The following ARHGAP42 variants were observed in gnomAD, a reference collection of about 807,000 sequenced individuals.
The protein encoded by ARHGAP42 is Rho GTPase activating protein 42.
In ARHGAP42, 63 loss-of-function variants were observed where a neutral mutation model predicts 125.0. The ratio of observed to expected loss-of-function variants is 0.50; its 90% CI spans 0.41 to 0.62. ARHGAP42 has a LOEUF of 0.62. Ranked by LOEUF, ARHGAP42 falls within the 20% of genes least tolerant of loss-of-function variation. The pLI is 0.00. For synonymous variants in ARHGAP42, 339 were observed against 351.0 expected (o/e 0.97, Z 0.38); for missense variants, 766 against 1,024.2 (o/e 0.75, Z 3.44).
intron 1 of ARHGAP42, among the ~76,000 whole-genome samples, chr11:100,713,036 G>A (rs1019111004): frequency 2.0e-5 from 3 of 152,116 alleles, no homozygotes; most frequent in Non-Finnish European, 1.5e-5. Context: ...CTTGGTTGTG[G>A]TAAGCACGTG....
chr11:100,714,605 G>A lies in ARHGAP42; in HGVS notation c.154+26773G>A, dbSNP rs1026824112. Among the ~76,000 whole-genome samples, 9 of 152,250 alleles carry A rather than the reference G, an allele frequency of 5.9e-5. No individual in the cohort carries two copies. In the East Asian group the frequency reaches 1.5e-3, roughly 26 times the overall value. On this transcript the variant is annotated intron_variant, in intron 1 of 23. Coordinates refer to ENST00000298815, the MANE Select transcript of ARHGAP42 (RefSeq NM_152432.4). Reference sequence around the variant, plus strand: ...CTCTAACATCTCGGGATAGTTTTTAGTTCTTGGACCTGATGGAGAGGTAGT... The same window carrying A: ...CTCTAACATCTCGGGATAGTTTTTAATTCTTGGACCTGATGGAGAGGTAGT...
chr11:100,707,607 C>T (rs899427248), intron 1 of ARHGAP42, among the ~76,000 whole-genome samples: 6 of 152,058 alleles, frequency 3.9e-5, no homozygotes, highest in Admixed American at 3.3e-4. Flanking sequence ...GAGGAGAAGA[C>T]AAGAAGATGC....
At chr11:100,951,573 T>C (rs1345493843) in intron 12 of ARHGAP42, among the ~76,000 whole-genome samples, 1 of 152,166 alleles carries the variant, frequency 6.6e-6, no homozygotes, top group African/African-American at 2.4e-5. Flanking sequence ...ATATACAGTG[T>C]TGAGTAGGGC....
chr11:100,779,770 A>G (rs1470298572), intron 2 of ARHGAP42, among the ~76,000 whole-genome samples: 1 of 151,790 alleles, frequency 6.6e-6, no homozygotes, highest in Non-Finnish European at 1.5e-5. Flanking sequence ...TCACATCTGT[A>G]ATCCCAGCAC....
At chr11:100,908,317 T>G (rs1313033459) in intron 4 of ARHGAP42, among the ~76,000 whole-genome samples, 1 of 152,202 alleles carries the variant, frequency 6.6e-6, no homozygotes, top group Non-Finnish European at 1.5e-5. Context: ...AAAACAATAG[T>G]GTGTATTCCG....
chr11:100,989,226 A>C lies in ARHGAP42; in HGVS notation c.*425A>C. The C allele has an allele frequency of 2.5e-6, 1 of 397,944 alleles. No homozygotes were observed. The highest frequency in any genetic ancestry group is 4.4e-6 in the Non-Finnish European group (1 of 225,722). The allele number at this position is 397,944 out of a possible 1,614,324, so 24.7% of individuals were successfully genotyped here. ...AATTGTTACTTAAAAATGTAATTTA[A>C]ATTGTTCATTTATTGTTTTTTTTTT... On this transcript the variant is annotated 3_prime_UTR_variant, in exon 24 of 24. Transcript: ENST00000298815.
At chr11:100,944,948 C>T (rs575243155) in intron 10 of ARHGAP42, among the ~76,000 whole-genome samples, 1 of 151,978 alleles carries the variant, frequency 6.6e-6, no homozygotes, top group African/African-American at 2.4e-5. Flanking sequence ...TTCATTTCAA[C>T]AAAGATTTCT....
chr11:100,854,808 C>T (rs1236719452), intron 3 of ARHGAP42, among the ~76,000 whole-genome samples: 1 of 152,136 alleles, frequency 6.6e-6, no homozygotes, highest in Non-Finnish European at 1.5e-5. Flanking sequence ...GAAGGAAGAA[C>T]TAGATACAGT....
intron 4 of ARHGAP42, among the ~76,000 whole-genome samples, chr11:100,894,896 T>G (rs1487286387): frequency 6.6e-6 from 1 of 152,206 alleles, no homozygotes; most frequent in African/African-American, 2.4e-5. Flanking sequence ...TGACCTTATA[T>G]GCATCTGGGG....
intron 2 of ARHGAP42, among the ~76,000 whole-genome samples, chr11:100,789,890 C>T (rs1027375761): frequency 6.6e-6 from 1 of 152,076 alleles, no homozygotes; most frequent in African/African-American, 2.4e-5. Context: ...GGAAAGACTT[C>T]TGGAAGAAAT....
chr11:100,812,159 G>A (rs980748244), intron 3 of ARHGAP42, among the ~76,000 whole-genome samples: 1 of 152,100 alleles, frequency 6.6e-6, no homozygotes, highest in Admixed American at 6.5e-5. Flanking sequence ...TTAATAATAG[G>A]TTCAGCCAGG....
chr11:100,876,037 C>G (rs535228494), intron 4 of ARHGAP42, among the ~76,000 whole-genome samples: 1 of 152,204 alleles, frequency 6.6e-6, no homozygotes, highest in African/African-American at 2.4e-5. Context: ...AAAAAATTTG[C>G]TCACCACTCA....
intron 1 of ARHGAP42, among the ~76,000 whole-genome samples, chr11:100,728,479 A>G (rs959143267): frequency 6.6e-6 from 1 of 151,908 alleles, no homozygotes; most frequent in African/African-American, 2.4e-5. Context: ...CAAGTTGGGG[A>G]CTTCTGGAGC....
chr11:100,963,195 C>G (rs1416222070), intron 16 of ARHGAP42, among the ~76,000 whole-genome samples: 1 of 152,206 alleles, frequency 6.6e-6, no homozygotes, highest in Admixed American at 6.5e-5. Flanking sequence ...ACAGCAGGTG[C>G]TTCCATCAAT....
At chr11:100,751,281 T>G (rs1386798634) in intron 1 of ARHGAP42, among the ~76,000 whole-genome samples, 40 of 60,306 alleles carry the variant, frequency 6.6e-4, no homozygotes, top group Admixed American at 2.2e-3. Flanking sequence ...GTGTGTGTGT[T>G]TTTTTTTTTT....
At chr11:100,705,532 A>C (rs1861469487) in intron 1 of ARHGAP42, among the ~76,000 whole-genome samples, 1 of 152,188 alleles carries the variant, frequency 6.6e-6, no homozygotes, top group Non-Finnish European at 1.5e-5. Flanking sequence ...ACACATGTAA[A>C]GTATCTAGTA....
intron 12 of ARHGAP42, among the ~76,000 whole-genome samples, chr11:100,956,969 T>C (rs1857822132): frequency 1.3e-5 from 2 of 152,168 alleles, no homozygotes; most frequent in Admixed American, 6.6e-5. Flanking sequence ...AATTTACATA[T>C]GTAGAGATTT....
chr11:100,742,682 G>C (rs949870023), intron 1 of ARHGAP42, among the ~76,000 whole-genome samples: 6 of 151,972 alleles, frequency 3.9e-5, no homozygotes, highest in Non-Finnish European at 8.8e-5. Context: ...TGTCATATAA[G>C]GTCACATAGT....
chr11:100,864,224 A>T (rs1865514834), intron 4 of ARHGAP42, among the ~76,000 whole-genome samples: 1 of 149,042 alleles, frequency 6.7e-6, no homozygotes, highest in Admixed American at 6.7e-5. Flanking sequence ...TCACTCTGTC[A>T]CCCAGGCTGG....
Sources: allele counts gnomAD v4.1 joint callset (sites outside exome capture counted in the v4.1 genomes callset), GRCh38; gene constraint gnomAD v4.1.1; transcripts MANE v1.5; gene names NCBI Gene and HGNC (gene_info 2026-07-23, HGNC 2026-07-21).